The following LOXHD1 variants were observed in gnomAD, a reference collection of about 807,000 sequenced individuals.
The protein encoded by LOXHD1 is lipoxygenase homology domain-containing protein 1.
In LOXHD1, 205 loss-of-function variants were observed where a neutral mutation model predicts 248.2. The ratio of observed to expected loss-of-function variants is 0.83; its 90% CI spans 0.74 to 0.93. The LOEUF (loss-of-function observed/expected upper bound fraction) is 0.93. Among genes scored for constraint, LOXHD1 ranks in the 40% least tolerant of loss-of-function variants. The pLI, the probability that LOXHD1 is intolerant of heterozygous loss-of-function variation, is 0.00. For synonymous variants in LOXHD1, 1,113 were observed against 1,162.8 expected (o/e 0.96, Z 0.87); for missense variants, 2,930 against 2,971.6 (o/e 0.99, Z 0.33).
At position 46,592,372 on chromosome 18, in the gene LOXHD1, C is replaced by G. The variant is rs533568675; in HGVS notation, c.1518+126G>C. On this transcript the variant is annotated intron_variant, in intron 11 of 40. Transcript: ENST00000642948. Reference sequence around the variant, plus strand: ...GCCTGTATCCAAATTCAGGTCTCACCATAACCCTTTTCAGTCCCTATTCAC... The same window carrying G: ...GCCTGTATCCAAATTCAGGTCTCACGATAACCCTTTTCAGTCCCTATTCAC... 13 of 835,246 alleles carry G rather than the reference C, an allele frequency of 1.6e-5. No homozygotes were observed. In the East Asian group the frequency reaches 3.5e-4, roughly 22 times the overall value. 51.7% of individuals were successfully genotyped at this position (835,246 alleles called of 1,614,324 possible).
rs2036861524 is a variant in LOXHD1, at chr18:46,546,824, G to A, written c.3514+71C>T. On this transcript the variant is annotated intron_variant, in intron 22 of 40. Coordinates refer to ENST00000642948, the MANE Select transcript of LOXHD1 (RefSeq NM_001384474.1). ...AGCCCACAGGGGAGGGAAGGAAGATGGAGACTTAGGGTTAGGGAGAGGCAG... is the reference window on the plus strand; with the variant it reads ...AGCCCACAGGGGAGGGAAGGAAGATAGAGACTTAGGGTTAGGGAGAGGCAG... 4.1e-6 allele frequency: 6 copies of A among 1,473,424 alleles called. No homozygotes were observed. The South Asian group carries it at 8.1e-5, about 20-fold the overall frequency. The allele number at this position is 1,473,424 out of a possible 1,614,324, so 91.3% of individuals were successfully genotyped here. A position where few individuals can be genotyped will look rare whatever the true frequency, so the allele number is the denominator to read the frequency against.
At position 46,485,059 on chromosome 18, in the gene LOXHD1, A is replaced by T; in HGVS notation, c.6142T>A (p.Phe2048Ile). ...LEGRKNRSKE[F>I]LMENSSRQRA... ...TGCCTAGAAGAATTTTCCATGAGAAACTCTTTGGATCGGTTCTTCCTGCCC... is the reference window on the plus strand; with the variant it reads ...TGCCTAGAAGAATTTTCCATGAGAATCTCTTTGGATCGGTTCTTCCTGCCC... Residue 2048 changes from phenylalanine to isoleucine, a missense_variant, in exon 39 of 41, where the codon TTT becomes ATT. By Grantham distance (21) the Phe-to-Ile change is conservative (BLOSUM62 0). Transcript: ENST00000642948. The T allele has an allele frequency of 1.3e-6, 2 of 1,543,000 alleles. No individual in the cohort carries two copies. The highest frequency in any genetic ancestry group is 1.7e-6 in the Non-Finnish European group (2 of 1,143,826).
In LOXHD1 at chr18:46,656,898, C is replaced by T; in HGVS notation, c.130+6G>A. ...CACCCGCCCCCCGCAGGCTGGGACC[C>T]CGCACCTCTGGCCTTGTAGTACTCG... On this transcript the variant is annotated splice_donor_region_variant and intron_variant, in intron 1 of 40. Transcript: ENST00000642948. 2 of 1,551,412 alleles carry T rather than the reference C, an allele frequency of 1.3e-6. No homozygotes were observed. Among genetic ancestry groups the T allele is most frequent in the Non-Finnish European group, 1.7e-6 (2 of 1,146,776 alleles).
chr18:46,530,002 C>A (rs970773197), intron 28 of LOXHD1, among the ~76,000 whole-genome samples: 5 of 152,098 alleles, frequency 3.3e-5, no homozygotes, highest in African/African-American at 1.2e-4. Context: ...CGCATGGTAT[C>A]TTGTTTTTGT....
In LOXHD1 at chr18:46,594,320, C is replaced by G. The variant is rs914848274; in HGVS notation, c.1270+11G>C. ...TGAGAGGCCTCCAGGTTCTGGGTCT[C>G]TCTCACTTACTTTTCAGCCGCTTCT... On this transcript the variant is annotated intron_variant, in intron 9 of 40. Transcript: ENST00000642948. 1.3e-6 allele frequency: 2 copies of G among 1,551,408 alleles called. No individual in the cohort carries two copies. The highest frequency in any genetic ancestry group is 2.7e-5 in the African/African-American group (2 of 73,048).
At chr18:46,592,218 G>C in intron 11 of LOXHD1, 150 bp from the exon 12 acceptor site, 3 of 1,168,036 alleles carry the variant, frequency 2.6e-6, no homozygotes, top group Non-Finnish European at 2.4e-6. Context: ...ATTAGTATTT[G>C]TTCCTGGTTT....
intron 5 of LOXHD1, among the ~76,000 whole-genome samples, chr18:46,615,111 C>T (rs1376706105): frequency 6.6e-6 from 1 of 152,210 alleles, no homozygotes; most frequent in Non-Finnish European, 1.5e-5. Context: ...GGACCCCAGC[C>T]TCTTTACTAT....
rs989016577 is a variant in LOXHD1 at position 46,594,316 on chromosome 18, G to A, written c.1270+15C>T. 1.9e-6 allele frequency: 3 copies of A among 1,551,290 alleles called. No homozygotes were observed. The highest frequency in any genetic ancestry group is 1.4e-5 in the African/African-American group (1 of 73,022). On this transcript the variant is annotated intron_variant, in intron 9 of 40. Transcript: ENST00000642948. ...TGGCTGAGAGGCCTCCAGGTTCTGG[G>A]TCTCTCTCACTTACTTTTCAGCCGC... is the stretch of plus-strand genomic sequence containing the variant.
intron 22 of LOXHD1, among the ~76,000 whole-genome samples, chr18:46,546,295 C>T (rs2036823734): frequency 6.6e-6 from 1 of 151,674 alleles, no homozygotes; most frequent in Admixed American, 6.6e-5. Context: ...CTCCACTCTA[C>T]TCCATTCCAT....
At position 46,594,183 on chromosome 18, in the gene LOXHD1, G is replaced by C. The variant is rs769254667; in HGVS notation, c.1270+148C>G. 5.0e-6 allele frequency: 5 copies of C among 996,674 alleles called. No homozygotes were observed. The African/African-American group carries it at 8.1e-5, about 16-fold the overall frequency. The allele number at this position is 996,674 out of a possible 1,614,324, so 61.7% of individuals were successfully genotyped here. ...CTTTGGAGAGTGGAGCTGCTTGGCG[G>C]GGTTGGGGGAGCTTTTTCCTTCCTT... On this transcript the variant is annotated intron_variant, in intron 9 of 40. Coordinates refer to ENST00000642948, the MANE Select transcript of LOXHD1 (RefSeq NM_001384474.1).
chr18:46,652,349 G>C (rs2039122408), intron 1 of LOXHD1, among the ~76,000 whole-genome samples: 1 of 152,128 alleles, frequency 6.6e-6, no homozygotes, highest in South Asian at 2.1e-4. Context: ...TTTAAAATAG[G>C]TGTATTTTAT....
intron 3 of LOXHD1, among the ~76,000 whole-genome samples, chr18:46,641,166 C>T (rs1016731999): frequency 2.0e-5 from 3 of 152,136 alleles, no homozygotes; most frequent in African/African-American, 7.2e-5. Context: ...TCATGTGCCC[C>T]TTATTTCCCC....
intron 5 of LOXHD1, among the ~76,000 whole-genome samples, chr18:46,611,888 G>A (rs753669030): frequency 1.3e-5 from 2 of 152,000 alleles, no homozygotes; most frequent in African/African-American, 4.8e-5. Flanking sequence ...AAGAATTTTT[G>A]TTTGCATATA....
chr18:46,653,036 G>A (rs1003339099), intron 1 of LOXHD1, among the ~76,000 whole-genome samples: 5 of 152,132 alleles, frequency 3.3e-5, no homozygotes, highest in Admixed American at 2.0e-4. Flanking sequence ...CAGGTCATGA[G>A]GTCAGTTCAA....
At chr18:46,544,085 C>T (rs1205711060) in intron 23 of LOXHD1, among the ~76,000 whole-genome samples, 4 of 152,212 alleles carry the variant, frequency 2.6e-5, no homozygotes, top group African/African-American at 9.6e-5. Flanking sequence ...CTTTAAGTCC[C>T]TGTACCCCAA....
At chr18:46,631,244 A>C (rs2038817489) in intron 4 of LOXHD1, among the ~76,000 whole-genome samples, 1 of 152,134 alleles carries the variant, frequency 6.6e-6, no homozygotes, top group Non-Finnish European at 1.5e-5. Context: ...CACATTAGGA[A>C]GTTAGAGCCC....
intron 18 of LOXHD1, among the ~76,000 whole-genome samples, chr18:46,561,054 C>T (rs1308434925): frequency 2.0e-5 from 3 of 152,238 alleles, no homozygotes; most frequent in Admixed American, 6.5e-5. Context: ...ATATAACTTT[C>T]GTAATAAGCA....
At chr18:46,557,532 C>G in intron 20 of LOXHD1, 43 bp from the exon 21 acceptor site, 1 of 1,550,724 alleles carries the variant, frequency 6.4e-7, no homozygotes, top group South Asian at 1.2e-5. Context: ...AGACCTACCC[C>G]TCCCCACATG....
intron 21 of LOXHD1, among the ~76,000 whole-genome samples, chr18:46,552,442 C>G (rs1338144737): frequency 6.6e-6 from 1 of 152,174 alleles, no homozygotes; most frequent in Non-Finnish European, 1.5e-5. Flanking sequence ...CCTGCACCCC[C>G]AACCCCCTCC....
Sources: gnomAD v4.1 joint callset for allele counts (sites outside exome capture counted in the v4.1 genomes callset) on GRCh38, gnomAD v4.1.1 for gene constraint, MANE v1.5 for transcripts, NCBI Gene and HGNC (gene_info 2026-07-23, HGNC 2026-07-21) for gene names.